Variants in FA2H observed in about 807,000 individuals in gnomAD.
FA2H encodes fatty acid 2-hydroxylase.
Under a neutral mutation model 44.9 loss-of-function variants are expected in FA2H, and 22 were observed. The observed-to-expected ratio is 0.49, with a 90% CI of 0.35 to 0.70. The LOEUF (loss-of-function observed/expected upper bound fraction) is 0.70, where lower values mean the gene tolerates loss of function less well. FA2H is among the 30% of genes least tolerant of loss of function. The pLI, the probability that FA2H is intolerant of heterozygous loss-of-function variation, is 0.01. For synonymous variants in FA2H, 243 were observed against 213.2 expected (o/e 1.14, Z -1.22); for missense variants, 501 against 504.9 (o/e 0.99, Z 0.07).
At chr16:74,771,784 TC>T (rs1221820528) in intron 1 of FA2H, among the ~76,000 whole-genome samples, 2 of 151,518 alleles carry the variant, frequency 1.3e-5, no homozygotes, top group African/African-American at 4.9e-5. Flanking sequence ...TCATCCCCCT[TC>T]CCCCCATGGT....
At chr16:74,740,616 C>G (rs1471045861) in intron 1 of FA2H, among the ~76,000 whole-genome samples, 1 of 99,946 alleles carries the variant, frequency 1.0e-5, no homozygotes, top group Admixed American at 1.2e-4. Flanking sequence ...AAGACTCCAT[C>G]TCAAAATAAT....
Position 74,731,925 on chromosome 16 carries a change from T to C in FA2H, c.364-4539A>G, listed in dbSNP as rs144373021. ...ACTTGCTCTGTTGCCCAAGTGAGAG[T>C]GCGGTGGCATGGCTGTGGCTCACTG... On this transcript the variant is annotated intron_variant, in intron 2 of 6. Transcript: ENST00000219368. Among the ~76,000 whole-genome samples, 609 of 152,292 alleles carry C rather than the reference T, an allele frequency of 4.0e-3. 6 individuals are homozygous for C. The highest frequency in any genetic ancestry group is 0.014 in the African/African-American group (572 of 41,548).
rs1379385282 is a variant in FA2H, at chr16:74,713,531, G to C, written c.*659C>G. 6.6e-6 allele frequency: 1 copy of C among 152,416 alleles called. No individual in the cohort carries two copies. The highest frequency in any genetic ancestry group is 1.5e-5 in the Non-Finnish European group (1 of 68,190). 9.4% of individuals were successfully genotyped at this position (152,416 alleles called of 1,614,324 possible). Reference sequence around the variant, plus strand: ...AAGGGCTGTGATTCTGGAGGCAGGGGAGGGACGGCAAGAAAAGCTGCCAGG... The same window carrying C: ...AAGGGCTGTGATTCTGGAGGCAGGGCAGGGACGGCAAGAAAAGCTGCCAGG... On this transcript the variant is annotated 3_prime_UTR_variant, in exon 7 of 7. Transcript: ENST00000219368.
rs1430731101 is a variant in FA2H at position 74,774,693 on chromosome 16, C to A, written c.63G>T (p.Ala21=). The A allele has an allele frequency of 7.2e-7, 1 of 1,379,486 alleles. No homozygotes were observed. Among genetic ancestry groups the A allele is most frequent in the South Asian group, 1.7e-5 (1 of 57,458 alleles). 85.5% of individuals were successfully genotyped at this position (1,379,486 alleles called of 1,614,324 possible). The change falls in exon 1 of 7, where the codon GCG becomes GCT. Residue 21 remains alanine, a synonymous_variant. Coordinates refer to ENST00000219368, the MANE Select transcript of FA2H (RefSeq NM_024306.5). ...CGCGGCGGACCCAGCACGCGCCGGC[C>A]GCCAGGCGCCGCTGGACCTCGGAGG... is the stretch of plus-strand genomic sequence containing the variant. ...FSPSEVQRRL[A]AGACWVRRGA...
intron 1 of FA2H, among the ~76,000 whole-genome samples, chr16:74,768,260 C>T (rs949617663): frequency 1.3e-5 from 2 of 152,306 alleles, no homozygotes; most frequent in East Asian, 1.9e-4. Context: ...TGACCCTCTT[C>T]CCAATTCTGG....
At chr16:74,727,489 C>T in intron 2 of FA2H, 103 bp from the exon 3 acceptor site, 1 of 1,286,060 alleles carries the variant, frequency 7.8e-7, no homozygotes, top group Non-Finnish European at 1.1e-6. Context: ...CCTACCTCAG[C>T]TCCTGTGATC....
At chr16:74,763,792 G>A (rs545270742) in intron 1 of FA2H, among the ~76,000 whole-genome samples, 3 of 152,214 alleles carry the variant, frequency 2.0e-5, no homozygotes, top group Admixed American at 6.5e-5. Context: ...TTCACTCTAA[G>A]TATATAATGA....
intron 1 of FA2H, among the ~76,000 whole-genome samples, chr16:74,759,904 C>G (rs907463143): frequency 6.6e-6 from 1 of 152,162 alleles, no homozygotes; most frequent in Non-Finnish European, 1.5e-5. Flanking sequence ...ACATTGCAAC[C>G]CCATGGCAAG....
At chr16:74,741,826 GTGTGTGTGTGTAT>G (rs1451417747) in intron 1 of FA2H, among the ~76,000 whole-genome samples, 6 of 105,144 alleles carry the variant, frequency 5.7e-5, no homozygotes, top group South Asian at 3.1e-4. Flanking sequence ...GTGTGTGTGT[GTGTGTGTGTGTAT>G]GTGTGTGTAT....
intron 1 of FA2H, among the ~76,000 whole-genome samples, chr16:74,769,819 G>A (rs770665339): frequency 1.1e-4 from 16 of 152,186 alleles, no homozygotes; most frequent in Non-Finnish European, 1.9e-4. Flanking sequence ...TGACCCCACC[G>A]CCCTGAGCTC....
At chr16:74,716,810 G>T in intron 5 of FA2H, 1 of 529,454 alleles carries the variant, frequency 1.9e-6, no homozygotes. Flanking sequence ...GCCAGGAAGG[G>T]ACCTGGCAGA....
intron 1 of FA2H, among the ~76,000 whole-genome samples, chr16:74,745,564 T>C (rs1223027881): frequency 6.6e-6 from 1 of 152,178 alleles, no homozygotes; most frequent in Non-Finnish European, 1.5e-5. Context: ...CAGGCACTGC[T>C]CATTCCCAGC....
At chr16:74,758,375 C>G (rs1962651013) in intron 1 of FA2H, among the ~76,000 whole-genome samples, 1 of 151,946 alleles carries the variant, frequency 6.6e-6, no homozygotes, top group Non-Finnish European at 1.5e-5. Flanking sequence ...CTGCCTCGGC[C>G]TCCTAAAATG....
At chr16:74,741,029 G>T (rs1962285397) in intron 1 of FA2H, among the ~76,000 whole-genome samples, 1 of 152,252 alleles carries the variant, frequency 6.6e-6, no homozygotes, top group South Asian at 2.1e-4. Flanking sequence ...TGGGCTCAAG[G>T]TTAAATCGAA....
At chr16:74,719,300 G>A in intron 4 of FA2H, 140 bp from the exon 5 acceptor site, 1 of 710,900 alleles carries the variant, frequency 1.4e-6, no homozygotes, top group Admixed American at 2.3e-5. Context: ...CATACTGCTG[G>A]GGTCCTTGAG....
intron 1 of FA2H, among the ~76,000 whole-genome samples, 180 bp from the exon 2 acceptor site, chr16:74,740,295 A>T (rs1962266464): frequency 6.6e-6 from 1 of 152,072 alleles, no homozygotes; most frequent in South Asian, 2.1e-4. Flanking sequence ...GAGCATTGTT[A>T]TTCTCTGTAT....
intron 1 of FA2H, among the ~76,000 whole-genome samples, chr16:74,764,686 A>G (rs1029669180): frequency 2.0e-5 from 3 of 152,100 alleles, no homozygotes; most frequent in African/African-American, 7.2e-5. Context: ...GAGTTTACCT[A>G]TTTAACAAAC....
Position 74,750,761 on chromosome 16 carries a change from C to CTGTGTGTGTGTGTGTGTGTGTG in FA2H, c.271-10668_271-10647dup, listed in dbSNP as rs55799456. On this transcript the variant is annotated intron_variant, in intron 1 of 6. Transcript: ENST00000219368. ...CAGGCCTATGTCCTCTTTTTTTTCA[C>CTGTGTGTGTGTGTGTGTGTGTG]TGTGTGTGTGTGTGTGTGTGTGTGT... is the stretch of plus-strand genomic sequence containing the variant. Among the ~76,000 whole-genome samples, 600 of 141,640 alleles carry CTGTGTGTGTGTGTGTGTGTGTG rather than the reference C, an allele frequency of 4.2e-3. 5 individuals are homozygous for CTGTGTGTGTGTGTGTGTGTGTG. The highest frequency in any genetic ancestry group is 5.2e-3 in the South Asian group (23 of 4,438). 92.9% of individuals were successfully genotyped at this position (141,640 alleles called of 152,430 possible).
intron 5 of FA2H, among the ~76,000 whole-genome samples, chr16:74,718,045 C>T (rs182540053): frequency 2.0e-4 from 31 of 152,164 alleles, no homozygotes; most frequent in Admixed American, 1.0e-3. Context: ...ATACTGGCCC[C>T]TAGGAAAGCC....
Sources: allele counts gnomAD v4.1 joint callset (sites outside exome capture counted in the v4.1 genomes callset), GRCh38; gene constraint gnomAD v4.1.1; transcripts MANE v1.5; gene names NCBI Gene and HGNC (gene_info 2026-07-23, HGNC 2026-07-21).